Variants in KYNU observed in about 807,000 individuals in gnomAD.
The protein encoded by KYNU is L-kynurenine hydrolase.
In KYNU, 54 loss-of-function variants were observed where a neutral mutation model predicts 59.2. That is an observed-to-expected ratio of 0.91 (90% confidence interval 0.73 to 1.14). The LOEUF (loss-of-function observed/expected upper bound fraction) is 1.14. Among genes scored for constraint, KYNU ranks in the 50% most tolerant of loss-of-function variants. KYNU has a pLI of 0.00. For missense variants in KYNU, 567 were observed against 554.4 expected, an observed-to-expected ratio of 1.02 and a Z score of -0.23; for synonymous variants, 177 against 192.0, an observed-to-expected ratio of 0.92 and a Z score of 0.65.
chr2:142,910,439 C>T (rs976807304), intron 2 of KYNU, among the ~76,000 whole-genome samples: 4 of 152,052 alleles, frequency 2.6e-5, no homozygotes, highest in South Asian at 2.1e-4. Flanking sequence ...TCTCGCTTGT[C>T]GAATTGCTTA....
chr2:143,037,479 C>T (rs1252674590), intron 12 of KYNU, among the ~76,000 whole-genome samples: 2 of 152,080 alleles, frequency 1.3e-5, no homozygotes, highest in Admixed American at 6.6e-5. Flanking sequence ...AAATACATGG[C>T]GAGTCAGAAG....
chr2:142,982,865 G>T (rs988039553), intron 8 of KYNU, among the ~76,000 whole-genome samples: 2 of 151,996 alleles, frequency 1.3e-5, no homozygotes, highest in Non-Finnish European at 2.9e-5. Flanking sequence ...AAGAACTCAC[G>T]CAGTAACTGA....
intron 3 of KYNU, among the ~76,000 whole-genome samples, chr2:142,920,718 A>G (rs1190691375): frequency 6.6e-6 from 1 of 152,230 alleles, no homozygotes. Flanking sequence ...TGTACAGTGA[A>G]TTAAAGAAGA....
chr2:142,934,766 T>C (rs1023552080), intron 4 of KYNU, among the ~76,000 whole-genome samples: 5 of 152,304 alleles, frequency 3.3e-5, no homozygotes, highest in East Asian at 3.9e-4. Flanking sequence ...GCAAGGCCGA[T>C]GAGATCCTAA....
intron 4 of KYNU, 53 bp downstream of exon 4, chr2:142,927,794 T>C (rs1683092068): frequency 9.8e-6 from 12 of 1,229,694 alleles, no homozygotes; most frequent in Non-Finnish European, 1.4e-5. Context: ...ATGTTATCAT[T>C]TAGTTATAAA....
At chr2:142,960,860 C>T in intron 8 of KYNU, 90 bp downstream of exon 8, 1 of 1,307,724 alleles carries the variant, frequency 7.6e-7, no homozygotes, top group Non-Finnish European at 1.1e-6. Context: ...AGTACTTTAG[C>T]TTGTGTCTGA....
chr2:142,886,082 GT>G (rs1256236122), intron 2 of KYNU, among the ~76,000 whole-genome samples: 1 of 152,068 alleles, frequency 6.6e-6, no homozygotes, highest in Non-Finnish European at 1.5e-5. Context: ...TTAAAATAAT[GT>G]AGTAATCTGA....
intron 4 of KYNU, among the ~76,000 whole-genome samples, chr2:142,935,443 G>T (rs909876806): frequency 3.9e-5 from 6 of 152,182 alleles, no homozygotes; most frequent in Non-Finnish European, 8.8e-5. Context: ...GCGCCAGTAG[G>T]CTGGGCAGGA....
At chr2:143,022,396 T>G (rs1483538693) in intron 10 of KYNU, among the ~76,000 whole-genome samples, 1 of 152,078 alleles carries the variant, frequency 6.6e-6, no homozygotes, top group Non-Finnish European at 1.5e-5. Flanking sequence ...AATGTGTTGT[T>G]TAATATGCTG....
intron 4 of KYNU, among the ~76,000 whole-genome samples, chr2:142,946,691 T>G (rs527309937): frequency 6.6e-6 from 1 of 152,314 alleles, no homozygotes; most frequent in South Asian, 2.1e-4. Flanking sequence ...TTAAGAGCCC[T>G]ATTATTTTTT....
At chr2:142,931,303 C>T (rs995252290) in intron 4 of KYNU, among the ~76,000 whole-genome samples, 1 of 152,116 alleles carries the variant, frequency 6.6e-6, no homozygotes, top group East Asian at 1.9e-4. Context: ...AACTACTTCA[C>T]GTGTGATATA....
chr2:142,923,793 G>A (rs560987952), intron 3 of KYNU, among the ~76,000 whole-genome samples: 17 of 152,260 alleles, frequency 1.1e-4, no homozygotes, highest in Non-Finnish European at 2.5e-4. Flanking sequence ...CTACAGTTTT[G>A]TCTCTACAGG....
chr2:142,912,357 G>GC (rs1558916956), intron 2 of KYNU, among the ~76,000 whole-genome samples: 3 of 148,310 alleles, frequency 2.0e-5, no homozygotes, highest in African/African-American at 7.4e-5. Context: ...AGTCTCTAAG[G>GC]ATCTTTTGTA....
chr2:142,987,770 T>G (rs1465661277), intron 10 of KYNU, among the ~76,000 whole-genome samples: 4 of 151,966 alleles, frequency 2.6e-5, no homozygotes, highest in African/African-American at 9.7e-5. Context: ...CACCCAAATC[T>G]CATGTAGAAT....
At chr2:142,922,771 T>C (rs893377516) in intron 3 of KYNU, among the ~76,000 whole-genome samples, 2 of 152,248 alleles carry the variant, frequency 1.3e-5, no homozygotes, top group Admixed American at 6.5e-5. Context: ...TGATTTCTTA[T>C]ACTAAGGAAA....
Position 143,042,616 on chromosome 2 carries a change from A to ATGTGTGTG in KYNU, c.*445_*446insGTGTGTGT, listed in dbSNP as rs1358940896. ...TATATATATATATATATATATATAT[A>ATGTGTGTG]TATATATATATATATGTGTGTGTGT... On this transcript the variant is annotated 3_prime_UTR_variant, in exon 14 of 14. Coordinates refer to ENST00000264170, the MANE Select transcript of KYNU (RefSeq NM_003937.3). 30 of 38,692 alleles carry ATGTGTGTG rather than the reference A, an allele frequency of 7.8e-4. No individual in the cohort carries two copies. The highest frequency in any genetic ancestry group is 2.7e-3 in the African/African-American group (28 of 10,210). 2.4% of individuals were successfully genotyped at this position (38,692 alleles called of 1,614,324 possible). A position where few individuals can be genotyped will look rare whatever the true frequency, so the allele number is the denominator to read the frequency against.
At position 143,045,036 on chromosome 2, in the gene KYNU, C is replaced by T. The variant is rs1233821578; in HGVS notation, c.*2864C>T. ...AAGATATAAGAAAGGGGTCCAGTTT[C>T]AGTTTTCTGCATATGGCTAGCCAGT... On this transcript the variant is annotated 3_prime_UTR_variant, in exon 14 of 14. Coordinates refer to ENST00000264170, the MANE Select transcript of KYNU (RefSeq NM_003937.3). The T allele has an allele frequency of 4.6e-5, 7 of 151,794 alleles. No individual in the cohort carries two copies. Among genetic ancestry groups the T allele is most frequent in the African/African-American group, 1.7e-4 (7 of 41,336 alleles). 9.4% of individuals were successfully genotyped at this position (151,794 alleles called of 1,614,324 possible). A position where few individuals can be genotyped will look rare whatever the true frequency, so the allele number is the denominator to read the frequency against.
chr2:143,001,993 C>T (rs1573888178), intron 10 of KYNU, among the ~76,000 whole-genome samples: 2 of 152,130 alleles, frequency 1.3e-5, no homozygotes, highest in East Asian at 3.9e-4. Context: ...TTCGCCAGGC[C>T]ATTCTTAAAT....
intron 13 of KYNU, 81 bp downstream of exon 13, chr2:143,040,739 A>G: frequency 1.2e-6 from 1 of 832,152 alleles, no homozygotes; most frequent in Non-Finnish European, 1.9e-6. Context: ...TGGTTTATTC[A>G]TTGTTGCATG....
Sources: allele counts gnomAD v4.1 joint callset (sites outside exome capture counted in the v4.1 genomes callset), GRCh38; gene constraint gnomAD v4.1.1; transcripts MANE v1.5; gene names NCBI Gene and HGNC (gene_info 2026-07-23, HGNC 2026-07-21).